The following KHDRBS2 variants were observed in gnomAD, a reference collection of about 807,000 sequenced individuals.
The protein encoded by KHDRBS2 is KH domain-containing, RNA-binding, signal transduction-associated protein 2.
In KHDRBS2, 26 loss-of-function variants were observed where a neutral mutation model predicts 44.3. That is an observed-to-expected ratio of 0.59 (90% CI 0.43 to 0.81). The LOEUF is 0.81. Ranked by LOEUF, KHDRBS2 falls within the 40% of genes least tolerant of loss-of-function variation. The pLI is 0.00. For missense variants in KHDRBS2, 476 were observed against 433.1 expected, an observed-to-expected ratio of 1.10 and a Z score of -0.88; for synonymous variants, 194 against 151.1, an observed-to-expected ratio of 1.28 and a Z score of -2.08.
chr6:62,099,583 G>A lies in KHDRBS2; in HGVS notation c.220-51589C>T, dbSNP rs528178120. Among the ~76,000 whole-genome samples the A allele has an allele frequency of 4.6e-5, 7 of 152,282 alleles. No homozygotes were observed. In the East Asian group the frequency reaches 5.8e-4, roughly 13 times the overall value. ...TGATAACCCACTTGGGTCAGGAACC[G>A]TGGGGCTGTGACCCATGCTGGACCT... On this transcript the variant is annotated intron_variant, in intron 2 of 8. Transcript: ENST00000281156.
chr6:61,674,595 A>G, the KHDRBS2 span, among the ~76,000 whole-genome samples: 1 of 151,778 alleles, frequency 6.6e-6, no homozygotes, highest in Non-Finnish European at 1.5e-5. Context: ...TTCCACTATC[A>G]TTATTGTTAT....
the KHDRBS2 span, among the ~76,000 whole-genome samples, chr6:61,655,702 C>T: frequency 6.6e-6 from 1 of 152,062 alleles, no homozygotes; most frequent in Non-Finnish European, 1.5e-5. Flanking sequence ...ATTTATTTTT[C>T]TCTAAAAGAA....
chr6:62,249,243 T>C (rs1363596639), intron 1 of KHDRBS2, among the ~76,000 whole-genome samples: 3 of 152,124 alleles, frequency 2.0e-5, no homozygotes, highest in Non-Finnish European at 4.4e-5. Flanking sequence ...CATTTCACCG[T>C]ATCTATAGTC....
intron 4 of KHDRBS2, among the ~76,000 whole-genome samples, chr6:61,941,784 T>C (rs2127376211): frequency 6.6e-6 from 1 of 152,174 alleles, no homozygotes. Flanking sequence ...TTAAAGCAAA[T>C]TTAAAAACTG....
the KHDRBS2 span, among the ~76,000 whole-genome samples, chr6:61,556,871 G>GT: frequency 8.8e-6 from 1 of 113,642 alleles, no homozygotes; most frequent in African/African-American, 3.4e-5. Flanking sequence ...GTGAAATTGA[G>GT]ATTTTTTTTT....
At chr6:61,756,448 G>A (rs1390604026) in intron 6 of KHDRBS2, among the ~76,000 whole-genome samples, 7 of 151,918 alleles carry the variant, frequency 4.6e-5, no homozygotes, top group Non-Finnish European at 8.8e-5. Context: ...TTAGTAGAGA[G>A]GGGGTTTCGC....
At chr6:62,084,394 A>G (rs560209672) in intron 2 of KHDRBS2, among the ~76,000 whole-genome samples, 1 of 152,328 alleles carries the variant, frequency 6.6e-6, no homozygotes, top group African/African-American at 2.4e-5. Flanking sequence ...TTGATAACAG[A>G]TATTTTCCCC....
At chr6:62,238,132 G>A (rs1212962898) in intron 1 of KHDRBS2, among the ~76,000 whole-genome samples, 11 of 151,540 alleles carry the variant, frequency 7.3e-5, no homozygotes, top group African/African-American at 1.7e-4. Context: ...TTAATTAGAT[G>A]TAAGTTTCAC....
intron 3 of KHDRBS2, among the ~76,000 whole-genome samples, chr6:62,003,941 T>C (rs1326935844): frequency 6.6e-6 from 1 of 152,206 alleles, no homozygotes; most frequent in African/African-American, 2.4e-5. Context: ...AATACAGATG[T>C]TCTTTGAAAC....
At chr6:61,602,021 G>A in the KHDRBS2 span, among the ~76,000 whole-genome samples, 11 of 152,204 alleles carry the variant, frequency 7.2e-5, no homozygotes, top group Admixed American at 3.3e-4. Flanking sequence ...CCCAGGTCAC[G>A]GCTTATTTGG....
chr6:62,270,118 T>C (rs1339747113), intron 1 of KHDRBS2, among the ~76,000 whole-genome samples: 10 of 152,124 alleles, frequency 6.6e-5, no homozygotes, highest in Admixed American at 2.0e-4. Context: ...TATGTTAAAA[T>C]GTGATCCACA....
chr6:62,129,391 A>G (rs1213269858), intron 2 of KHDRBS2, among the ~76,000 whole-genome samples: 1 of 152,190 alleles, frequency 6.6e-6, no homozygotes, highest in Non-Finnish European at 1.5e-5. Context: ...TGCAGTCATG[A>G]AAAATATAAC....
chr6:61,746,205 G>C (rs142295259), intron 6 of KHDRBS2, among the ~76,000 whole-genome samples: 2 of 152,074 alleles, frequency 1.3e-5, no homozygotes, highest in Non-Finnish European at 2.9e-5. Flanking sequence ...ATGCTGTCAT[G>C]ACTAAGAACA....
At chr6:61,674,447 C>T in the KHDRBS2 span, among the ~76,000 whole-genome samples, 1 of 151,692 alleles carries the variant, frequency 6.6e-6, no homozygotes, top group South Asian at 2.1e-4. Flanking sequence ...AGCAGTGTGA[C>T]ACTACTTCCT....
At position 62,151,947 on chromosome 6, in the gene KHDRBS2, A is replaced by G. The variant is rs566092393; in HGVS notation, c.219+25238T>C. Among the ~76,000 whole-genome samples the G allele has an allele frequency of 2.6e-4, 39 of 152,300 alleles. No homozygotes were observed. In the South Asian group the frequency reaches 8.1e-3, roughly 32 times the overall value. On this transcript the variant is annotated intron_variant, in intron 2 of 8. Coordinates refer to ENST00000281156, the MANE Select transcript of KHDRBS2 (RefSeq NM_152688.4). The stretch of plus-strand genomic sequence containing the variant: ...CAGATTGCCTGGGTTTAAGAACCAC[A>G]CCCATATCTTAATAGCTATGTGATG...
At chr6:61,752,839 G>A (rs1420837747) in intron 6 of KHDRBS2, among the ~76,000 whole-genome samples, 7 of 152,134 alleles carry the variant, frequency 4.6e-5, no homozygotes. Context: ...ATTATTTGAG[G>A]TGAGGGGTCG....
the KHDRBS2 span, among the ~76,000 whole-genome samples, chr6:61,580,476 G>C: frequency 6.6e-6 from 1 of 152,148 alleles, no homozygotes; most frequent in African/African-American, 2.4e-5. Flanking sequence ...CCATGCTGTG[G>C]AAGTTTTGTT....
chr6:61,783,088 T>C (rs1332009793), intron 6 of KHDRBS2, among the ~76,000 whole-genome samples: 5 of 152,090 alleles, frequency 3.3e-5, no homozygotes, highest in Admixed American at 6.6e-5. Flanking sequence ...GAATGAATAA[T>C]TGAGTACAGT....
the KHDRBS2 span, among the ~76,000 whole-genome samples, chr6:61,597,570 A>C: frequency 2.1e-3 from 312 of 151,250 alleles, 9 homozygotes; most frequent in East Asian, 0.052. Context: ...GAATGGAGAA[A>C]GTAGGGGTTT....
Sources: gnomAD v4.1 joint callset for allele counts (sites outside exome capture counted in the v4.1 genomes callset) on GRCh38, gnomAD v4.1.1 for gene constraint, MANE v1.5 for transcripts, NCBI Gene and HGNC (gene_info 2026-07-23, HGNC 2026-07-21) for gene names.